Variants in SNTG1 observed in about 807,000 individuals in gnomAD.
The protein encoded by SNTG1 is gamma-1-syntrophin.
SNTG1 carries 39 observed loss-of-function variants against 74.7 expected under a neutral mutation model. The ratio of observed to expected loss-of-function variants is 0.52; its 90% CI spans 0.40 to 0.68. The LOEUF (loss-of-function observed/expected upper bound fraction) is 0.68. SNTG1 is among the 30% of genes least tolerant of loss of function. The probability of loss-of-function intolerance (pLI) is 0.00; values close to 1 mark genes in which losing one functional copy is unlikely to be tolerated. For synonymous variants in SNTG1, 254 were observed against 217.1 expected (o/e 1.17, Z -1.49); for missense variants, 685 against 609.5 (o/e 1.12, Z -1.30).
intron 11 of SNTG1, among the ~76,000 whole-genome samples, chr8:50,537,052 T>C (rs1563541141): frequency 6.6e-6 from 1 of 152,206 alleles, no homozygotes; most frequent in Non-Finnish European, 1.5e-5. Context: ...ATAGATAGTT[T>C]TATTAAGTTT....
At chr8:50,725,754 C>T (rs1019161856) in intron 17 of SNTG1, among the ~76,000 whole-genome samples, 1 of 152,138 alleles carries the variant, frequency 6.6e-6, no homozygotes, top group Non-Finnish European at 1.5e-5. Flanking sequence ...GCCTTTAGCA[C>T]CTCATATCCA....
intron 2 of SNTG1, among the ~76,000 whole-genome samples, chr8:50,257,585 A>G (rs1286765487): frequency 6.6e-6 from 1 of 152,240 alleles, no homozygotes; most frequent in Non-Finnish European, 1.5e-5. Context: ...TACAAGTTTA[A>G]CACATTTGTG....
chr8:50,230,812 GA>G (rs2085580604), intron 2 of SNTG1, among the ~76,000 whole-genome samples: 2 of 145,378 alleles, frequency 1.4e-5, no homozygotes, highest in South Asian at 4.4e-4. Context: ...AAAATAGGGG[GA>G]AAACTATCTA....
At chr8:50,296,759 T>C (rs1407281334) in intron 2 of SNTG1, among the ~76,000 whole-genome samples, 2 of 151,896 alleles carry the variant, frequency 1.3e-5, no homozygotes, top group Non-Finnish European at 2.9e-5. Flanking sequence ...TGCACATGTA[T>C]CCCAGAATTT....
At chr8:50,583,394 CAAAAAAAAAAA>C (rs58794829) in intron 12 of SNTG1, among the ~76,000 whole-genome samples, 1 of 82,426 alleles carries the variant, frequency 1.2e-5, no homozygotes, top group African/African-American at 5.4e-5. Flanking sequence ...GAGTGAGACT[CAAAAAAAAAAA>C]AAAAAAAAAG....
At chr8:50,528,611 C>T (rs1036877790) in intron 9 of SNTG1, among the ~76,000 whole-genome samples, 1 of 151,356 alleles carries the variant, frequency 6.6e-6, no homozygotes, top group African/African-American at 2.4e-5. Context: ...AGTTGATAGT[C>T]TCTTTCTTCT....
chr8:50,024,013 T>A (rs1817049253), intron 1 of SNTG1, among the ~76,000 whole-genome samples: 1 of 152,146 alleles, frequency 6.6e-6, no homozygotes, highest in South Asian at 2.1e-4. Flanking sequence ...TTGCTAGGCT[T>A]TACTGTCAGA....
At chr8:50,167,151 T>G (rs557056364) in intron 1 of SNTG1, among the ~76,000 whole-genome samples, 1 of 140,240 alleles carries the variant, frequency 7.1e-6, no homozygotes, top group African/African-American at 2.7e-5. Context: ...AGGGATAGCA[T>G]TGGGAGATAT....
chr8:49,916,989 C>A (rs1806099488), intron 1 of SNTG1, among the ~76,000 whole-genome samples: 1 of 151,950 alleles, frequency 6.6e-6, no homozygotes. Context: ...CACATCACTG[C>A]ACTCCAGCCT....
chr8:50,549,712 C>A (rs908884881), intron 11 of SNTG1, among the ~76,000 whole-genome samples: 3 of 152,082 alleles, frequency 2.0e-5, no homozygotes, highest in African/African-American at 7.2e-5. Flanking sequence ...GCCAGACAAC[C>A]CACATTTCTT....
chr8:50,363,167 G>A (rs929623066), intron 2 of SNTG1, among the ~76,000 whole-genome samples: 20 of 151,932 alleles, frequency 1.3e-4, no homozygotes, highest in Admixed American at 5.2e-4. Flanking sequence ...CTAAATCATC[G>A]ACACTTTAGT....
At chr8:50,631,154 G>T (rs974377720) in intron 13 of SNTG1, among the ~76,000 whole-genome samples, 8 of 152,086 alleles carry the variant, frequency 5.3e-5, no homozygotes, top group Non-Finnish European at 2.9e-5. Context: ...TAATTCTTAT[G>T]GTATGTAAAA....
chr8:50,703,656 A>C (rs964539400), intron 15 of SNTG1, among the ~76,000 whole-genome samples: 3 of 152,136 alleles, frequency 2.0e-5, no homozygotes, highest in Admixed American at 2.0e-4. Context: ...TATCATCATT[A>C]TTATTATGTA....
intron 17 of SNTG1, 114 bp from the exon 18 acceptor site, chr8:50,751,887 G>A (rs565282175): frequency 4.1e-6 from 2 of 489,916 alleles, no homozygotes; most frequent in South Asian, 4.6e-5. Flanking sequence ...AAAATATTGG[G>A]ACATAGTACT....
chr8:50,151,647 C>T (rs1196888862), intron 1 of SNTG1, among the ~76,000 whole-genome samples: 1 of 152,156 alleles, frequency 6.6e-6, no homozygotes. Context: ...ATCTTTATTT[C>T]TGCCTTCATT....
chr8:50,234,291 G>T (rs1265191216), intron 2 of SNTG1, among the ~76,000 whole-genome samples: 2 of 151,892 alleles, frequency 1.3e-5, no homozygotes, highest in Non-Finnish European at 2.9e-5. Flanking sequence ...AAGGAAAAAG[G>T]CTGTGTCAAA....
At chr8:50,552,977 A>G (rs2094435684) in intron 11 of SNTG1, 73 bp from the exon 12 acceptor site, 2 of 1,559,388 alleles carry the variant, frequency 1.3e-6, no homozygotes, top group Non-Finnish European at 1.7e-6. Flanking sequence ...AAGCTTTTCA[A>G]CAGATACTAT....
intron 13 of SNTG1, among the ~76,000 whole-genome samples, chr8:50,643,324 AT>A (rs2095085944): frequency 6.6e-6 from 1 of 152,176 alleles, no homozygotes; most frequent in Non-Finnish European, 1.5e-5. Context: ...CTTAATTTCA[AT>A]GTCTTGAAAG....
chr8:50,084,631 A>G (rs981158349), intron 1 of SNTG1, among the ~76,000 whole-genome samples: 4 of 152,164 alleles, frequency 2.6e-5, no homozygotes, highest in African/African-American at 9.7e-5. Context: ...AACTGTAAAC[A>G]TCTCTCTCAT....
Sources: gnomAD v4.1 joint callset for allele counts (sites outside exome capture counted in the v4.1 genomes callset) on GRCh38, gnomAD v4.1.1 for gene constraint, MANE v1.5 for transcripts, NCBI Gene and HGNC (gene_info 2026-07-23, HGNC 2026-07-21) for gene names.